The following IL1RAPL1 variants were observed in gnomAD, a reference collection of about 807,000 sequenced individuals.
IL1RAPL1 encodes interleukin 1 receptor accessory protein like 1.
In IL1RAPL1, 3 loss-of-function variants were observed where a neutral mutation model predicts 48.4. The observed-to-expected ratio is 0.06, with a 90% CI of 0.03 to 0.16. The LOEUF (loss-of-function observed/expected upper bound fraction) is 0.16, where lower values mean the gene tolerates loss of function less well. Among genes scored for constraint, IL1RAPL1 ranks in the 10% least tolerant of loss-of-function variants. IL1RAPL1 has a pLI of 1.00. For synonymous variants in IL1RAPL1, 185 were observed against 187.7 expected, an observed-to-expected ratio of 0.99 and a Z score of 0.12; for missense variants, 349 against 530.6, an observed-to-expected ratio of 0.66 and a Z score of 3.36.
chrX:29,215,169 G>A (rs1218341651), intron 2 of IL1RAPL1, among the ~76,000 whole-genome samples: 1 of 110,210 alleles, frequency 9.1e-6, no homozygotes, highest in Non-Finnish European at 1.9e-5. Context: ...CCAACATGGC[G>A]AAACCCCGTC....
intron 5 of IL1RAPL1, among the ~76,000 whole-genome samples, chrX:29,614,920 A>C (rs1488904029): frequency 9.2e-6 from 1 of 109,245 alleles, no homozygotes; most frequent in Non-Finnish European, 1.9e-5. Flanking sequence ...AGATCGCGAC[A>C]CTGCACTCCA....
rs1296589640 is a variant in IL1RAPL1, at chrX:28,618,671, ATGTAAT to A, written c.-25+30630_-25+30635del. Among the ~76,000 whole-genome samples the A allele has an allele frequency of 1.1e-4, 12 of 112,387 alleles. No individual in the cohort carries two copies. The East Asian group carries it at 3.4e-3, about 31-fold the overall frequency. On this transcript the variant is annotated intron_variant, in intron 1 of 10. Transcript: ENST00000378993. ...CATTTTTTTCAAAATTACTAGGGAAATGTAATTGTAAACATATTTTTATAAATTATA... is the reference window on the plus strand; with the variant it reads ...CATTTTTTTCAAAATTACTAGGGAAATGTAAACATATTTTTATAAATTATA...
rs73213950 is a variant in IL1RAPL1 at position 29,392,561 on chromosome X, A to G, written c.363-3697A>G. ...AACAGAAACAGTAAACAAGTATTAAACATCGAAAGTAATTTGAAAATAGTG... is the reference window on the plus strand; with the variant it reads ...AACAGAAACAGTAAACAAGTATTAAGCATCGAAAGTAATTTGAAAATAGTG... On this transcript the variant is annotated intron_variant, in intron 3 of 10. Transcript: ENST00000378993. Among the ~76,000 whole-genome samples the G allele has an allele frequency of 6.4e-3, 714 of 112,399 alleles. 3 individuals carry two copies. The highest frequency in any genetic ancestry group is 9.4e-3 in the Non-Finnish European group (499 of 53,262).
At chrX:29,802,825 G>GTGTA (rs1569172870) in intron 6 of IL1RAPL1, among the ~76,000 whole-genome samples, 2 of 45,949 alleles carry the variant, frequency 4.4e-5, no homozygotes, top group African/African-American at 9.5e-5. Flanking sequence ...GTATATATAT[G>GTGTA]TATACATATA....
At chrX:29,003,997 C>G (rs1395807420) in intron 2 of IL1RAPL1, among the ~76,000 whole-genome samples, 1 of 110,864 alleles carries the variant, frequency 9.0e-6, no homozygotes, top group Non-Finnish European at 1.9e-5. Context: ...CAAAAATTAG[C>G]CAGATGTGGT....
At chrX:29,523,625 T>C (rs919853383) in intron 5 of IL1RAPL1, among the ~76,000 whole-genome samples, 4 of 111,711 alleles carry the variant, frequency 3.6e-5, no homozygotes, top group African/African-American at 9.8e-5. Flanking sequence ...TTTTTCTAGG[T>C]GCTAGGCAGA....
At chrX:29,073,120 C>T (rs1173801356) in intron 2 of IL1RAPL1, among the ~76,000 whole-genome samples, 1 of 111,891 alleles carries the variant, frequency 8.9e-6, no homozygotes, top group African/African-American at 3.3e-5. Flanking sequence ...AGATATGTAT[C>T]TCCCTCACCT....
At chrX:29,671,034 G>A (rs1388642688) in intron 6 of IL1RAPL1, among the ~76,000 whole-genome samples, 1 of 112,025 alleles carries the variant, frequency 8.9e-6, no homozygotes, top group Admixed American at 9.4e-5. Context: ...ATTACACAAA[G>A]CTAAGCTTGT....
At chrX:29,358,048 G>T (rs1037510105) in intron 3 of IL1RAPL1, among the ~76,000 whole-genome samples, 2 of 111,709 alleles carry the variant, frequency 1.8e-5, no homozygotes, top group African/African-American at 6.5e-5. Context: ...TGAAATGAGG[G>T]TATTCAAGGT....
intron 2 of IL1RAPL1, among the ~76,000 whole-genome samples, chrX:29,114,242 G>C (rs897687859): frequency 4.5e-5 from 5 of 111,689 alleles, no homozygotes; most frequent in Admixed American, 1.9e-4. Context: ...AACCATTTGA[G>C]GCTGCTGTTT....
chrX:28,898,189 T>C (rs780396468), intron 2 of IL1RAPL1, among the ~76,000 whole-genome samples: 8 of 111,968 alleles, frequency 7.1e-5, no homozygotes, highest in Non-Finnish European at 1.5e-4. Flanking sequence ...ATACATATGA[T>C]TTGAAAGTAT....
chrX:29,933,588 A>C (rs1305239615), intron 8 of IL1RAPL1, among the ~76,000 whole-genome samples: 1 of 107,263 alleles, frequency 9.3e-6, no homozygotes, highest in African/African-American at 3.4e-5. Context: ...TTTTCACTGA[A>C]TATCTTTAAT....
chrX:28,814,255 T>C (rs188502872), intron 2 of IL1RAPL1, among the ~76,000 whole-genome samples: 1 of 109,842 alleles, frequency 9.1e-6, no homozygotes, highest in Non-Finnish European at 1.9e-5. Flanking sequence ...TGCCACAGAC[T>C]CCCACTATTC....
Position 29,350,191 on chromosome X carries a change from T to TTATATATATATATATA in IL1RAPL1, c.363-46049_363-46034dup, listed in dbSNP as rs397897010. ...CTCCCTTGGTCTACATACTGTTATT[T>TTATATATATATATATA]TATATATATATATATATATATATAT... On this transcript the variant is annotated intron_variant, in intron 3 of 10. Coordinates refer to ENST00000378993, the MANE Select transcript of IL1RAPL1 (RefSeq NM_014271.4). 2.1e-3 allele frequency among the ~76,000 whole-genome samples: 81 copies of TTATATATATATATATA among 39,406 alleles called. 2 individuals are homozygous for TTATATATATATATATA. Among genetic ancestry groups the TTATATATATATATATA allele is most frequent in the African/African-American group, 0.011 (64 of 5,736 alleles). 34.2% of individuals were successfully genotyped at this position (39,406 alleles called of 115,157 possible). A position where few individuals can be genotyped will look rare whatever the true frequency, so the allele number is the denominator to read the frequency against.
At chrX:29,556,192 G>A (rs1308055791) in intron 5 of IL1RAPL1, among the ~76,000 whole-genome samples, 1 of 111,791 alleles carries the variant, frequency 8.9e-6, no homozygotes, top group Non-Finnish European at 1.9e-5. Flanking sequence ...TGACACTAGC[G>A]CTTTTCTCCA....
chrX:29,045,511 G>A (rs1218916746), intron 2 of IL1RAPL1, among the ~76,000 whole-genome samples: 1 of 111,913 alleles, frequency 8.9e-6, no homozygotes, highest in Admixed American at 9.5e-5. Context: ...TGTCACCCAG[G>A]CTGGAGTGCA....
chrX:29,769,537 G>A (rs1929002566), intron 6 of IL1RAPL1, among the ~76,000 whole-genome samples: 1 of 92,094 alleles, frequency 1.1e-5, no homozygotes, highest in Non-Finnish European at 2.1e-5. Context: ...TCTGCCTCCC[G>A]GGTTCCAGCG....
intron 5 of IL1RAPL1, among the ~76,000 whole-genome samples, chrX:29,665,060 T>C (rs1054635298): frequency 8.9e-6 from 1 of 112,686 alleles, no homozygotes; most frequent in East Asian, 2.8e-4. Flanking sequence ...TGTTGGTGAA[T>C]ACAAAGCTAT....
intron 2 of IL1RAPL1, among the ~76,000 whole-genome samples, chrX:28,899,204 T>C (rs1923010501): frequency 1.8e-5 from 2 of 111,368 alleles, no homozygotes; most frequent in Admixed American, 9.5e-5. Flanking sequence ...GAGAACAGCA[T>C]GGGGGAAGCA....
Sources: gnomAD v4.1 joint callset for allele counts (sites outside exome capture counted in the v4.1 genomes callset) on GRCh38, gnomAD v4.1.1 for gene constraint, MANE v1.5 for transcripts, NCBI Gene and HGNC (gene_info 2026-07-23, HGNC 2026-07-21) for gene names.